IL1RAPL2: variants seen among roughly 807,000 people sequenced by gnomAD.
IL1RAPL2 encodes the protein X-linked interleukin-1 receptor accessory protein-like 2.
IL1RAPL2 carries 3 observed loss-of-function variants against 44.1 expected under a neutral mutation model. The ratio of observed to expected loss-of-function variants is 0.07; its 90% confidence interval spans 0.03 to 0.18. The LOEUF (loss-of-function observed/expected upper bound fraction) is 0.18. Ranked by LOEUF, IL1RAPL2 falls within the 10% of genes least tolerant of loss-of-function variation. The pLI, the probability that IL1RAPL2 is intolerant of heterozygous loss-of-function variation, is 1.00. For missense variants in IL1RAPL2, 391 were observed against 496.4 expected, an observed-to-expected ratio of 0.79 and a Z score of 2.02; for synonymous variants, 181 against 178.8, an observed-to-expected ratio of 1.01 and a Z score of -0.10.
At chrX:104,852,447 T>C (rs1460434886) in intron 2 of IL1RAPL2, among the ~76,000 whole-genome samples, 2 of 112,102 alleles carry the variant, frequency 1.8e-5, no homozygotes, top group Non-Finnish European at 3.8e-5. Flanking sequence ...TCTTTTGTAA[T>C]AGTTCTCATT....
At chrX:104,586,629 G>A (rs748789025) in intron 1 of IL1RAPL2, among the ~76,000 whole-genome samples, 4 of 111,907 alleles carry the variant, frequency 3.6e-5, no homozygotes, top group African/African-American at 9.7e-5. Context: ...CAGATCACAA[G>A]CAACTTTACT....
At chrX:104,825,765 A>G (rs1477931195) in intron 2 of IL1RAPL2, among the ~76,000 whole-genome samples, 1 of 111,955 alleles carries the variant, frequency 8.9e-6, no homozygotes, top group African/African-American at 3.2e-5. Context: ...ATAACAAACC[A>G]CCTGAAACCC....
intron 6 of IL1RAPL2, among the ~76,000 whole-genome samples, chrX:105,689,120 C>G (rs140675863): frequency 2.7e-3 from 298 of 111,766 alleles, no homozygotes; most frequent in African/African-American, 9.3e-3. Flanking sequence ...CATAAAAACC[C>G]TAGAAGAAAA....
At chrX:105,023,415 A>G (rs974509161) in intron 2 of IL1RAPL2, among the ~76,000 whole-genome samples, 1 of 111,349 alleles carries the variant, frequency 9.0e-6, no homozygotes, top group Non-Finnish European at 1.9e-5. Flanking sequence ...AGCAGTTATA[A>G]CTATCTGAAG....
chrX:104,627,668 G>A (rs1043270843), intron 1 of IL1RAPL2, among the ~76,000 whole-genome samples: 1 of 110,924 alleles, frequency 9.0e-6, no homozygotes, highest in South Asian at 3.9e-4. Flanking sequence ...ATATTCCCAT[G>A]TGTCAATGAG....
At position 104,841,090 on chromosome X, in the gene IL1RAPL2, A is replaced by G. The variant is rs781350062; in HGVS notation, c.82+182095A>G. On this transcript the variant is annotated intron_variant, in intron 2 of 10. Transcript: ENST00000372582. ...GTGCTCCAGTATTGAGTGCATATAT[A>G]TTTAGGATAGTTAGCTCTTTTTGTT... is the stretch of plus-strand genomic sequence containing the variant. 1.5e-4 allele frequency among the ~76,000 whole-genome samples: 17 copies of G among 111,590 alleles called. No individual in the cohort carries two copies. In the South Asian group the frequency reaches 2.2e-3, roughly 15 times the overall value.
chrX:105,643,405 A>G (rs1457545503), intron 6 of IL1RAPL2, among the ~76,000 whole-genome samples: 3 of 111,664 alleles, frequency 2.7e-5, no homozygotes, highest in Non-Finnish European at 5.6e-5. Flanking sequence ...GCAAAGACCC[A>G]AGGCAGAATT....
intron 2 of IL1RAPL2, among the ~76,000 whole-genome samples, chrX:105,139,778 A>G (rs1365877485): frequency 8.9e-6 from 1 of 112,539 alleles, no homozygotes; most frequent in African/African-American, 3.2e-5. Context: ...TGTTCAACAT[A>G]TGAATTTTTA....
chrX:105,411,647 C>A (rs1210025303), intron 5 of IL1RAPL2, among the ~76,000 whole-genome samples: 4 of 111,190 alleles, frequency 3.6e-5, no homozygotes, highest in African/African-American at 9.8e-5. Context: ...CACCCAGCAC[C>A]AGAGCACCCA....
chrX:104,794,456 C>T (rs1424706706), intron 2 of IL1RAPL2, among the ~76,000 whole-genome samples: 4 of 110,828 alleles, frequency 3.6e-5, no homozygotes, highest in African/African-American at 1.3e-4. Flanking sequence ...ATAAGCAGTG[C>T]CCCTACATCT....
At chrX:104,624,945 A>G (rs1195254798) in intron 1 of IL1RAPL2, among the ~76,000 whole-genome samples, 1 of 112,042 alleles carries the variant, frequency 8.9e-6, no homozygotes, top group Non-Finnish European at 1.9e-5. Context: ...GTCTTGTATT[A>G]CCTCACTTTC....
intron 1 of IL1RAPL2, among the ~76,000 whole-genome samples, chrX:104,610,302 A>G (rs1379208836): frequency 9.0e-6 from 1 of 110,813 alleles, no homozygotes; most frequent in Non-Finnish European, 1.9e-5. Flanking sequence ...CAGGAGAAGG[A>G]AATAAAGGGT....
At chrX:104,604,956 G>C (rs1002956334) in intron 1 of IL1RAPL2, among the ~76,000 whole-genome samples, 9 of 110,979 alleles carry the variant, frequency 8.1e-5, no homozygotes, top group Admixed American at 1.9e-4. Context: ...CTCAGCTCTG[G>C]ACCAAGCAGA....
chrX:104,670,157 A>G (rs189232107), intron 2 of IL1RAPL2, among the ~76,000 whole-genome samples: 78 of 111,334 alleles, frequency 7.0e-4, no homozygotes, highest in African/African-American at 2.4e-3. Flanking sequence ...GTAGTGGCTC[A>G]GTCCAAGTCC....
intron 2 of IL1RAPL2, among the ~76,000 whole-genome samples, chrX:104,726,007 T>C (rs1004661890): frequency 8.9e-6 from 1 of 112,129 alleles, no homozygotes; most frequent in Non-Finnish European, 1.9e-5. Context: ...CTAGGGTTTC[T>C]ATGGTTTTAG....
chrX:105,038,151 C>A (rs1278076563), intron 2 of IL1RAPL2, among the ~76,000 whole-genome samples: 4 of 111,347 alleles, frequency 3.6e-5, no homozygotes, highest in Admixed American at 9.6e-5. Flanking sequence ...CAGGCCCACA[C>A]TTCTGGCTTC....
chrX:105,354,589 CAT>C (rs779391349), intron 5 of IL1RAPL2, among the ~76,000 whole-genome samples: 10 of 110,811 alleles, frequency 9.0e-5, no homozygotes, highest in African/African-American at 3.3e-4. Context: ...CAACACGGCA[CAT>C]GTGTACATAT....
At chrX:104,944,588 T>C (rs1925293689) in intron 2 of IL1RAPL2, among the ~76,000 whole-genome samples, 1 of 111,942 alleles carries the variant, frequency 8.9e-6, no homozygotes, top group African/African-American at 3.2e-5. Flanking sequence ...AAATTTTACA[T>C]TTAATTTATG....
intron 5 of IL1RAPL2, among the ~76,000 whole-genome samples, chrX:105,471,580 C>CTT (rs143352963): frequency 3.0e-5 from 3 of 101,002 alleles, no homozygotes; most frequent in African/African-American, 7.2e-5. Context: ...TATGCAGTGC[C>CTT]TTTTTTTTTT....
Sources: gnomAD v4.1 joint callset for allele counts (sites outside exome capture counted in the v4.1 genomes callset) on GRCh38, gnomAD v4.1.1 for gene constraint, MANE v1.5 for transcripts, NCBI Gene and HGNC (gene_info 2026-07-23, HGNC 2026-07-21) for gene names.